The following ROBO2 variants were observed in gnomAD, a reference collection of about 807,000 sequenced individuals.
The protein encoded by ROBO2 is roundabout guidance receptor 2, also known as roundabout homolog 2.
Under a neutral mutation model 160.8 loss-of-function variants are expected in ROBO2, and 53 were observed. The ratio of observed to expected loss-of-function variants is 0.33; its 90% CI spans 0.26 to 0.41. The LOEUF is 0.41. ROBO2 is among the 10% of genes least tolerant of loss of function. The pLI is 1.00. For synonymous variants in ROBO2, 664 were observed against 611.7 expected, an observed-to-expected ratio of 1.09 and a Z score of -1.26; for missense variants, 1,577 against 1,722.4, an observed-to-expected ratio of 0.92 and a Z score of 1.49.
At chr3:76,557,487 A>G (rs2083866041) in intron 2 of ROBO2, among the ~76,000 whole-genome samples, 1 of 151,962 alleles carries the variant, frequency 6.6e-6, no homozygotes, top group Non-Finnish European at 1.5e-5. Context: ...TAAAGATCAA[A>G]TGAATTATCT....
At chr3:76,414,572 C>T (rs1262321577) in intron 2 of ROBO2, among the ~76,000 whole-genome samples, 12 of 129,344 alleles carry the variant, frequency 9.3e-5, no homozygotes, top group Non-Finnish European at 1.5e-4. Context: ...ACAATGAGAT[C>T]ACATGGACAC....
At chr3:77,163,025 A>G (rs1339772668) in intron 2 of ROBO2, among the ~76,000 whole-genome samples, 1 of 151,730 alleles carries the variant, frequency 6.6e-6, no homozygotes, top group African/African-American at 2.4e-5. Flanking sequence ...TAGTAAAGAC[A>G]GGGTTTCACC....
chr3:77,244,905 A>G (rs2151396193), intron 2 of ROBO2, among the ~76,000 whole-genome samples: 1 of 150,494 alleles, frequency 6.6e-6, no homozygotes, highest in Admixed American at 6.6e-5. Context: ...AAAAAGAAAG[A>G]AAAGAAAAGA....
At chr3:75,909,340 A>G (rs1162928545) in intron 1 of ROBO2, among the ~76,000 whole-genome samples, 3 of 152,194 alleles carry the variant, frequency 2.0e-5, no homozygotes, top group Non-Finnish European at 4.4e-5. Flanking sequence ...CATGCTCAGT[A>G]CAGTTTAGGG....
chr3:76,746,273 G>T (rs918521137), intron 2 of ROBO2, among the ~76,000 whole-genome samples: 2 of 151,668 alleles, frequency 1.3e-5, no homozygotes, highest in Non-Finnish European at 2.9e-5. Flanking sequence ...TTGCTATCGT[G>T]AATAGTGCCG....
chr3:77,116,788 C>A (rs928410399), intron 2 of ROBO2, among the ~76,000 whole-genome samples: 2 of 152,114 alleles, frequency 1.3e-5, no homozygotes, highest in African/African-American at 4.8e-5. Context: ...CCAGGGCAGC[C>A]TTTGGTAAGT....
chr3:76,273,431 A>G (rs1707719085), intron 2 of ROBO2, among the ~76,000 whole-genome samples: 1 of 152,048 alleles, frequency 6.6e-6, no homozygotes, highest in Non-Finnish European at 1.5e-5. Flanking sequence ...CTGCTCTCAC[A>G]CTGCTATAAA....
chr3:77,598,527 G>GTATATATATATATATATATATA (rs3073098), intron 19 of ROBO2, among the ~76,000 whole-genome samples: 51 of 139,972 alleles, frequency 3.6e-4, no homozygotes, highest in African/African-American at 1.3e-3. Flanking sequence ...ATATATATGT[G>GTATATATATATATATATATATA]TATATATATA....
intron 2 of ROBO2, among the ~76,000 whole-genome samples, chr3:76,775,941 T>C (rs997479606): frequency 4.6e-5 from 7 of 150,772 alleles, no homozygotes; most frequent in African/African-American, 1.7e-4. Flanking sequence ...AAGGATGCAA[T>C]ATCCATGTCT....
At chr3:76,814,943 G>A (rs907491308) in intron 2 of ROBO2, among the ~76,000 whole-genome samples, 2 of 151,976 alleles carry the variant, frequency 1.3e-5, no homozygotes, top group Non-Finnish European at 2.9e-5. Flanking sequence ...TGAGGATTCC[G>A]ATAAGAAAAC....
rs544382256 is a variant in ROBO2 at position 76,736,265 on chromosome 3, G to C, written c.110-361749G>C. ...TCCCTGCACTCCAGCCTGGGCGACA[G>C]AGCGAGACTCCGTCTCAAAAAATAA... On this transcript the variant is annotated intron_variant, in intron 2 of 26. Coordinates refer to the ROBO2 transcript ENST00000487694. 2.7e-4 allele frequency among the ~76,000 whole-genome samples: 8 copies of C among 29,586 alleles called. No individual in the cohort carries two copies. The South Asian group carries it at 7.2e-3, about 27-fold the overall frequency. The allele number at this position is 29,586 out of a possible 152,430, so 19.4% of individuals were successfully genotyped here. A position where few individuals can be genotyped will look rare whatever the true frequency, so the allele number is the denominator to read the frequency against.
chr3:76,815,703 G>A (rs1318049742), intron 2 of ROBO2, among the ~76,000 whole-genome samples: 4 of 151,872 alleles, frequency 2.6e-5, no homozygotes, highest in Non-Finnish European at 4.4e-5. Flanking sequence ...CAGCTAATGA[G>A]AGTGTAATAT....
intron 2 of ROBO2, among the ~76,000 whole-genome samples, chr3:76,285,840 T>C (rs1353940368): frequency 6.6e-6 from 1 of 152,198 alleles, no homozygotes; most frequent in Non-Finnish European, 1.5e-5. Context: ...TCTTATTTCT[T>C]GCCTCATTAA....
intron 2 of ROBO2, among the ~76,000 whole-genome samples, chr3:76,181,632 T>G (rs1425922098): frequency 6.6e-6 from 1 of 152,176 alleles, no homozygotes; most frequent in East Asian, 1.9e-4. Context: ...TTCAAATAAT[T>G]ACTAAGATTC....
intron 2 of ROBO2, among the ~76,000 whole-genome samples, chr3:76,447,462 A>G (rs1423940347): frequency 6.7e-6 from 1 of 148,890 alleles, no homozygotes; most frequent in Non-Finnish European, 1.5e-5. Flanking sequence ...AACTAGTTCA[A>G]CCATTGTGGA....
intron 2 of ROBO2, among the ~76,000 whole-genome samples, chr3:76,825,275 A>G (rs1037515308): frequency 6.6e-6 from 1 of 152,192 alleles, no homozygotes; most frequent in African/African-American, 2.4e-5. Flanking sequence ...AAGGCAATAA[A>G]TGGATGACTG....
chr3:77,370,904 T>G (rs1401579069), intron 2 of ROBO2, among the ~76,000 whole-genome samples: 4 of 152,168 alleles, frequency 2.6e-5, no homozygotes, highest in Non-Finnish European at 5.9e-5. Flanking sequence ...TACAGATCTC[T>G]GCCCTAGATA....
At chr3:77,164,630 G>A (rs2078833666) in intron 2 of ROBO2, among the ~76,000 whole-genome samples, 1 of 127,584 alleles carries the variant, frequency 7.8e-6, no homozygotes, top group African/African-American at 3.0e-5. Context: ...GAGCCCCTCT[G>A]CCCGGCCAGC....
At chr3:76,917,842 A>G (rs2076420621) in intron 2 of ROBO2, among the ~76,000 whole-genome samples, 1 of 152,216 alleles carries the variant, frequency 6.6e-6, no homozygotes, top group African/African-American at 2.4e-5. Flanking sequence ...AAAGACAGTT[A>G]TGTAACCAAG....
Sources: allele counts gnomAD v4.1 joint callset (sites outside exome capture counted in the v4.1 genomes callset), GRCh38; gene constraint gnomAD v4.1.1; transcripts MANE v1.5; gene names NCBI Gene and HGNC (gene_info 2026-07-23, HGNC 2026-07-21).